HS6ST3: variants seen among roughly 807,000 people sequenced by gnomAD.
HS6ST3 encodes heparan-sulfate 6-O-sulfotransferase 3.
In HS6ST3, 12 loss-of-function variants were observed where a neutral mutation model predicts 36.7. That is an observed-to-expected ratio of 0.33 (90% CI 0.21 to 0.53). The LOEUF is 0.53. Among genes scored for constraint, HS6ST3 ranks in the 20% least tolerant of loss-of-function variants. HS6ST3 has a pLI of 0.95. For synonymous variants in HS6ST3, 240 were observed against 257.5 expected, an observed-to-expected ratio of 0.93 and a Z score of 0.65; for missense variants, 584 against 640.9, an observed-to-expected ratio of 0.91 and a Z score of 0.96.
At chr13:96,724,032 G>A (rs1210108811) in intron 1 of HS6ST3, among the ~76,000 whole-genome samples, 5 of 150,000 alleles carry the variant, frequency 3.3e-5, no homozygotes, top group Admixed American at 3.3e-4. Context: ...TCTCTTTATT[G>A]CTTTATTTCC....
chr13:96,681,656 A>T (rs1183486888), intron 1 of HS6ST3, among the ~76,000 whole-genome samples: 1 of 152,168 alleles, frequency 6.6e-6, no homozygotes. Flanking sequence ...CATTTGGAAA[A>T]TGAATAAAAC....
At chr13:96,477,677 C>T (rs975401998) in intron 1 of HS6ST3, among the ~76,000 whole-genome samples, 1 of 152,090 alleles carries the variant, frequency 6.6e-6, no homozygotes, top group Non-Finnish European at 1.5e-5. Flanking sequence ...CAAGACCAGC[C>T]TGGCCAACAT....
At chr13:96,607,234 G>T (rs9805850) in intron 1 of HS6ST3, among the ~76,000 whole-genome samples, 2,237 of 152,206 alleles carry the variant, frequency 0.015, 64 homozygotes, top group African/African-American at 0.05. Context: ...ACAATGGAAA[G>T]AAAATTAGAT....
chr13:96,097,219 T>A (rs755413271), intron 1 of HS6ST3, among the ~76,000 whole-genome samples: 1 of 152,182 alleles, frequency 6.6e-6, no homozygotes, highest in Non-Finnish European at 1.5e-5. Context: ...GAAATTGAAA[T>A]GTTTTCATAA....
chr13:96,316,155 TATATGC>T (rs1205786163), intron 1 of HS6ST3, among the ~76,000 whole-genome samples: 4 of 152,174 alleles, frequency 2.6e-5, no homozygotes, highest in African/African-American at 9.7e-5. Flanking sequence ...TATATTTATA[TATATGC>T]ATATGCATGT....
chr13:96,301,729 TA>T (rs2139403891), intron 1 of HS6ST3, among the ~76,000 whole-genome samples: 1 of 151,918 alleles, frequency 6.6e-6, no homozygotes, highest in Non-Finnish European at 1.5e-5. Context: ...CCATCTCTAC[TA>T]AAAATACAAC....
intron 1 of HS6ST3, among the ~76,000 whole-genome samples, chr13:96,336,660 G>T (rs943808343): frequency 6.6e-6 from 1 of 152,174 alleles, no homozygotes; most frequent in Non-Finnish European, 1.5e-5. Flanking sequence ...TTTGATCTTG[G>T]ACTTCAGCCT....
intron 1 of HS6ST3, among the ~76,000 whole-genome samples, chr13:96,191,051 C>T (rs2054286303): frequency 6.6e-6 from 1 of 152,160 alleles, no homozygotes; most frequent in South Asian, 2.1e-4. Flanking sequence ...GCCTGGTCAT[C>T]ATTCTTGGTT....
At chr13:96,370,212 C>G (rs2055282883) in intron 1 of HS6ST3, among the ~76,000 whole-genome samples, 3 of 152,064 alleles carry the variant, frequency 2.0e-5, no homozygotes. Context: ...GTTCAACAAC[C>G]CCGAGTGATT....
chr13:96,285,975 CCT>C (rs1164533523), intron 1 of HS6ST3, among the ~76,000 whole-genome samples: 1 of 147,728 alleles, frequency 6.8e-6, no homozygotes, highest in Non-Finnish European at 1.5e-5. Context: ...CCCTTCTCTT[CCT>C]CTTTCTCTCC....
At chr13:96,255,310 G>A (rs9562060) in intron 1 of HS6ST3, among the ~76,000 whole-genome samples, 90,467 of 151,938 alleles carry the variant, frequency 0.6, 27,129 homozygotes, top group Admixed American at 0.68. Context: ...TAGCAGTCAT[G>A]TACAAAAGCT....
intron 1 of HS6ST3, among the ~76,000 whole-genome samples, chr13:96,326,383 T>G (rs1483631782): frequency 2.2e-5 from 3 of 139,016 alleles, no homozygotes; most frequent in African/African-American, 8.1e-5. Flanking sequence ...CGTGTCCATG[T>G]GTTCTCGTTG....
At chr13:96,623,823 A>G (rs931508109) in intron 1 of HS6ST3, among the ~76,000 whole-genome samples, 1 of 152,176 alleles carries the variant, frequency 6.6e-6, no homozygotes, top group Non-Finnish European at 1.5e-5. Flanking sequence ...AAGCAGGGCT[A>G]ATGTAGCCAG....
At chr13:96,589,101 G>A (rs2056373532) in intron 1 of HS6ST3, among the ~76,000 whole-genome samples, 2 of 151,258 alleles carry the variant, frequency 1.3e-5, no homozygotes, top group Non-Finnish European at 2.9e-5. Context: ...AATTTTTGGA[G>A]GAGTTTGAAA....
intron 1 of HS6ST3, among the ~76,000 whole-genome samples, chr13:96,198,577 C>T (rs531483164): frequency 5.9e-5 from 9 of 152,280 alleles, no homozygotes; most frequent in East Asian, 3.9e-4. Flanking sequence ...TTATCTTTCT[C>T]GAGTTCAAAG....
At chr13:96,784,086 C>T (rs1334856542) in intron 1 of HS6ST3, among the ~76,000 whole-genome samples, 1 of 148,748 alleles carries the variant, frequency 6.7e-6, no homozygotes, top group Non-Finnish European at 1.5e-5. Context: ...CTGAAATTCA[C>T]TTCTTGCTGA....
chr13:96,709,184 T>G (rs1172516211), intron 1 of HS6ST3, among the ~76,000 whole-genome samples: 1 of 152,180 alleles, frequency 6.6e-6, no homozygotes, highest in Non-Finnish European at 1.5e-5. Context: ...TCCTGCCTCC[T>G]TGTGAAGAAG....
intron 1 of HS6ST3, among the ~76,000 whole-genome samples, chr13:96,178,297 G>A (rs1197727960): frequency 1.3e-5 from 2 of 152,172 alleles, no homozygotes; most frequent in Non-Finnish European, 2.9e-5. Flanking sequence ...TGAGTAGCAA[G>A]AATGGATTTC....
At chr13:96,221,783 A>G (rs963492585) in intron 1 of HS6ST3, among the ~76,000 whole-genome samples, 5 of 152,216 alleles carry the variant, frequency 3.3e-5, no homozygotes, top group African/African-American at 1.2e-4. Flanking sequence ...AGCAGGTTGT[A>G]TGATGTAAGC....
Sources: gnomAD v4.1 joint callset for allele counts (sites outside exome capture counted in the v4.1 genomes callset) on GRCh38, gnomAD v4.1.1 for gene constraint, MANE v1.5 for transcripts, NCBI Gene and HGNC (gene_info 2026-07-23, HGNC 2026-07-21) for gene names.